The following OVCH1 variants were observed in gnomAD, a reference collection of about 807,000 sequenced individuals.
OVCH1 encodes the protein ovochymase 1, also known as ovochymase-1.
Under a neutral mutation model 138.4 loss-of-function variants are expected in OVCH1, and 139 were observed. The observed-to-expected ratio is 1.00, with a 90% CI of 0.87 to 1.16. The LOEUF is 1.16. Ranked by LOEUF, OVCH1 falls within the 50% of genes most tolerant of loss-of-function variation. The pLI, the probability that OVCH1 is intolerant of heterozygous loss-of-function variation, is 0.00. For synonymous variants in OVCH1, 453 were observed against 467.8 expected, an observed-to-expected ratio of 0.97 and a Z score of 0.41; for missense variants, 1,367 against 1,357.9, an observed-to-expected ratio of 1.01 and a Z score of -0.11.
chr12:29,428,469 A>T (rs543012904), intron 27 of OVCH1, among the ~76,000 whole-genome samples: 1 of 152,324 alleles, frequency 6.6e-6, no homozygotes, highest in Non-Finnish European at 1.5e-5. Context: ...AACTACAGGT[A>T]CATTTCTAGG....
intron 6 of OVCH1, among the ~76,000 whole-genome samples, chr12:29,488,444 C>T (rs1208527538): frequency 1.3e-5 from 2 of 151,802 alleles, no homozygotes; most frequent in Non-Finnish European, 2.9e-5. Context: ...TGGTGAAACC[C>T]TGTCTCTATT....
chr12:29,496,759 G>T, intron 1 of OVCH1, 85 bp from the exon 2 acceptor site: 3 of 1,011,940 alleles, frequency 3.0e-6, no homozygotes, highest in South Asian at 1.6e-5. Context: ...GGATTTTCCT[G>T]GCCTGGCACA....
intron 12 of OVCH1, among the ~76,000 whole-genome samples, chr12:29,476,755 GCACACACA>G (rs548409739): frequency 0.18 from 18,289 of 103,242 alleles, 1,616 homozygotes; most frequent in South Asian, 0.32. Flanking sequence ...ACACACGCGC[GCACACACA>G]CACACACACA....
downstream of OVCH1, among the ~76,000 whole-genome samples, chr12:29,423,920 C>T (rs1190755954): frequency 2.0e-5 from 3 of 151,984 alleles, no homozygotes; most frequent in Non-Finnish European, 4.4e-5. Context: ...CTGGGTAGAA[C>T]CAACAAATAA....
chr12:29,487,254 A>G (rs11050253), intron 7 of OVCH1: 4,906 of 171,140 alleles, frequency 0.029, 108 homozygotes, highest in Non-Finnish European at 0.043. Context: ...TCTAGATTTT[A>G]GTGTCACAGA....
chr12:29,486,207 T>C, intron 8 of OVCH1, 43 bp downstream of exon 8: 1 of 1,543,482 alleles, frequency 6.5e-7, no homozygotes, highest in Non-Finnish European at 8.9e-7. Context: ...CTCTGATGAC[T>C]TTCTTCAAGT....
chr12:29,435,728 C>T (rs1183892761), intron 26 of OVCH1, among the ~76,000 whole-genome samples: 1 of 152,078 alleles, frequency 6.6e-6, no homozygotes, highest in Non-Finnish European at 1.5e-5. Flanking sequence ...TTCTAAAGCA[C>T]CCCTCAGAAG....
chr12:29,490,023 T>C (rs1205627801), intron 5 of OVCH1, among the ~76,000 whole-genome samples: 1 of 152,162 alleles, frequency 6.6e-6, no homozygotes, highest in Non-Finnish European at 1.5e-5. Flanking sequence ...GCTTAAATGT[T>C]TCCCCAAAAG....
intron 5 of OVCH1, among the ~76,000 whole-genome samples, chr12:29,490,471 C>A (rs556235812): frequency 6.6e-6 from 1 of 152,254 alleles, no homozygotes; most frequent in African/African-American, 2.4e-5. Context: ...TCAAGGAGTA[C>A]AAAGTGATGT....
In OVCH1 at chr12:29,445,349, A is replaced by G. The variant is rs761284947; in HGVS notation, c.2810T>C (p.Leu937Pro). The G allele has an allele frequency of 2.3e-5, 37 of 1,611,378 alleles. No homozygotes were observed. The highest frequency in any genetic ancestry group is 3.1e-5 in the Non-Finnish European group (36 of 1,178,010). The change falls in exon 23 of 28, where the codon CTG becomes CCG. Residue 937 changes from leucine to proline, a missense_variant. Physicochemically the swap from Leu to Pro is moderately conservative, Grantham distance 98. Coordinates refer to ENST00000318184, the Ensembl canonical transcript of OVCH1. ...AAGGGCATGGAATGTCACCCTCACC[A>G]GCGGTCCAGGACTCATGAAAGTCAT...
chr12:29,446,893 T>G (rs916919938), intron 22 of OVCH1, among the ~76,000 whole-genome samples: 2 of 151,828 alleles, frequency 1.3e-5, no homozygotes, highest in Admixed American at 1.3e-4. Flanking sequence ...GAATTAAAAA[T>G]CAAAGATCAA....
At chr12:29,452,361 G>A (rs1041363834) in intron 21 of OVCH1, among the ~76,000 whole-genome samples, 1 of 152,128 alleles carries the variant, frequency 6.6e-6, no homozygotes, top group Non-Finnish European at 1.5e-5. Context: ...TAAGGGAAAT[G>A]AAGTGCTACA....
intron 6 of OVCH1, among the ~76,000 whole-genome samples, chr12:29,488,878 A>C (rs951600927): frequency 2.0e-5 from 3 of 152,150 alleles, no homozygotes; most frequent in African/African-American, 7.2e-5. Flanking sequence ...CCAATTTAGA[A>C]AGCGGCATAA....
intron 2 of OVCH1, 42 bp downstream of exon 2, chr12:29,496,514 A>G: frequency 6.8e-7 from 1 of 1,479,210 alleles, no homozygotes; most frequent in Non-Finnish European, 9.3e-7. Flanking sequence ...GAAATATTTC[A>G]CTGTTTTCTC....
At position 29,439,847 on chromosome 12, in the gene OVCH1, C is replaced by CTT. The variant is rs1272920497; in HGVS notation, c.3158-415_3158-414dup. 1.3e-5 allele frequency among the ~76,000 whole-genome samples: 2 copies of CTT among 152,268 alleles called. No individual in the cohort carries two copies. Among genetic ancestry groups the CTT allele is most frequent in the South Asian group, 2.1e-4 (1 of 4,820 alleles). ...ACAACTCACAAAATTCAGGGAAACA[C>CTT]TTTACTTGTGTTTACCTATTTATTA... On this transcript the variant is annotated intron_variant, in intron 25 of 27. Coordinates refer to ENST00000318184, the Ensembl canonical transcript of OVCH1.
At chr12:29,415,679 C>T in intron 3 of OVCH1, among the ~76,000 whole-genome samples, 1 of 152,122 alleles carries the variant, frequency 6.6e-6, no homozygotes, top group Non-Finnish European at 1.5e-5. Context: ...AGTGGAGAGA[C>T]ATATTGTTCA....
In OVCH1 at chr12:29,471,219, T is replaced by A. The variant is rs943575794; in HGVS notation, c.1856+583A>T. On this transcript the variant is annotated intron_variant, in intron 16 of 27. Transcript: ENST00000318184. ...TCTATTCTTTAAACTACAAATATAT[T>A]ATGTATATTATTTCATATAATGGAA... is the stretch of plus-strand genomic sequence containing the variant. Among the ~76,000 whole-genome samples the A allele has an allele frequency of 2.0e-5, 3 of 152,316 alleles. No homozygotes were observed. The East Asian group carries it at 5.8e-4, about 29-fold the overall frequency.
At chr12:29,406,991 T>G in the OVCH1 span, among the ~76,000 whole-genome samples, 44,190 of 148,580 alleles carry the variant, frequency 0.3, 7,911 homozygotes, top group Middle Eastern at 0.51. Context: ...TTTTAATGAT[T>G]GCCATTCTAA....
intron 27 of OVCH1, among the ~76,000 whole-genome samples, chr12:29,431,581 A>G (rs1247090164): frequency 4.6e-5 from 7 of 152,008 alleles, no homozygotes; most frequent in Non-Finnish European, 1.0e-4. Context: ...TATTTAATTT[A>G]TTGTGACCAT....
Sources: gnomAD v4.1 joint callset for allele counts (sites outside exome capture counted in the v4.1 genomes callset) on GRCh38, gnomAD v4.1.1 for gene constraint, MANE v1.5 for transcripts, NCBI Gene and HGNC (gene_info 2026-07-23, HGNC 2026-07-21) for gene names.